Variants in TRERF1 observed in about 807,000 individuals in gnomAD.
TRERF1 encodes transcriptional-regulating factor 1.
A neutral mutation model predicts 122.9 loss-of-function variants in TRERF1; 27 were observed. The ratio of observed to expected loss-of-function variants is 0.22; its 90% CI spans 0.16 to 0.30. The LOEUF (loss-of-function observed/expected upper bound fraction) is 0.30. TRERF1 is among the 10% of genes least tolerant of loss of function. The pLI, the probability that TRERF1 is intolerant of heterozygous loss-of-function variation, is 1.00. For missense variants in TRERF1, 1,248 were observed against 1,560.3 expected (o/e 0.80, Z 3.37); for synonymous variants, 636 against 641.7 (o/e 0.99, Z 0.13).
intron 8 of TRERF1, among the ~76,000 whole-genome samples, chr6:42,262,578 A>G (rs981898249): frequency 2.0e-5 from 3 of 150,630 alleles, no homozygotes; most frequent in Non-Finnish European, 4.4e-5. Flanking sequence ...AGAGAGAGAG[A>G]GAGAGAGAGA....
intron 2 of TRERF1, among the ~76,000 whole-genome samples, chr6:42,407,704 T>A (rs753500705): frequency 6.6e-6 from 1 of 151,966 alleles, no homozygotes; most frequent in Non-Finnish European, 1.5e-5. Context: ...ACTACAGAAT[T>A]TCCCCCCTCC....
chr6:42,437,453 T>C (rs767344965), intron 2 of TRERF1, among the ~76,000 whole-genome samples: 14 of 152,142 alleles, frequency 9.2e-5, no homozygotes, highest in Non-Finnish European at 1.8e-4. Context: ...ACTTTTGCAT[T>C]TTTTTAAATC....
rs776799768 is a variant in TRERF1, at chr6:42,265,808, G to A, written c.1438-11C>T. 9 of 1,612,620 alleles carry A rather than the reference G, an allele frequency of 5.6e-6. No homozygotes were observed. In the East Asian group the frequency reaches 1.8e-4, roughly 32 times the overall value. ...ATCAGGTAGGTGCATCTAATTTTGA[G>A]CCAAACAGGACACCGAAAAAAAGAA... On this transcript the variant is annotated splice_polypyrimidine_tract_variant and intron_variant, in intron 5 of 17. Transcript: ENST00000372922.
intron 2 of TRERF1, among the ~76,000 whole-genome samples, chr6:42,424,583 TCTGTACTACCCAA>T (rs1266246038): frequency 6.6e-6 from 1 of 152,168 alleles, no homozygotes; most frequent in South Asian, 2.1e-4. Context: ...GGATCCTCAA[TCTGTACTACCCAA>T]CTGTTTTCCA....
At chr6:42,314,192 T>A (rs768454705) in intron 3 of TRERF1, among the ~76,000 whole-genome samples, 3 of 152,192 alleles carry the variant, frequency 2.0e-5, no homozygotes, top group Non-Finnish European at 4.4e-5. Flanking sequence ...ACCTCCACCA[T>A]GGCATGGTAA....
intron 3 of TRERF1, among the ~76,000 whole-genome samples, chr6:42,321,177 T>C (rs1039989207): frequency 1.3e-5 from 2 of 151,000 alleles, no homozygotes; most frequent in Non-Finnish European, 2.9e-5. Context: ...AGGCATTTTC[T>C]TCTCTGGAGA....
chr6:42,310,941 T>C (rs921803228), intron 3 of TRERF1, among the ~76,000 whole-genome samples: 2 of 152,188 alleles, frequency 1.3e-5, no homozygotes, highest in Non-Finnish European at 2.9e-5. Flanking sequence ...CTTTTTGGCG[T>C]TGATGTTTGG....
Position 42,269,518 on chromosome 6 carries a change from G to C in TRERF1, c.73C>G (p.Pro25Ala). 1 of 1,614,208 alleles carries C rather than the reference G, an allele frequency of 6.2e-7. No individual in the cohort carries two copies. ...TTCAGCCCGCTGTGGACGCCAAGTG[G>C]TGGCTGTTGGTAGAAAAGGTTCTCA... Residue 25 changes from proline (P) to alanine (A), a missense_variant, in exon 5 of 18, where the codon CCA becomes GCA. Pro to Ala is a conservative substitution (Grantham distance 27, BLOSUM62 -1). This residue lies in a region of TRERF1 where 946 missense variants were observed against 1,073.0 expected (regional missense o/e 0.88). Coordinates refer to ENST00000372922, the Ensembl canonical transcript of TRERF1. This position sits in a 1 kb window ranked among gnomAD's most constrained non-coding sequence, Gnocchi z 4.9.
chr6:42,277,974 A>AGAAGAAGAAGAAGAAG (rs1161319382), intron 4 of TRERF1, among the ~76,000 whole-genome samples: 3 of 147,002 alleles, frequency 2.0e-5, no homozygotes, highest in Non-Finnish European at 4.5e-5. Flanking sequence ...AAGAAGAAGA[A>AGAAGAAGAAGAAGAAG]GACTGCAATA....
intron 3 of TRERF1, among the ~76,000 whole-genome samples, chr6:42,305,995 C>CTTTTTTTTTTTT (rs55700516): frequency 1.3e-4 from 9 of 69,466 alleles, no homozygotes; most frequent in Admixed American, 2.4e-4. Flanking sequence ...AATATCTCTC[C>CTTTTTTTTTTTT]TTTTTTTTTT....
At chr6:42,349,456 G>T (rs543773125) in intron 3 of TRERF1, among the ~76,000 whole-genome samples, 14 of 151,984 alleles carry the variant, frequency 9.2e-5, no homozygotes, top group Admixed American at 9.2e-4. Context: ...GATAGGGAAT[G>T]AATGAAAATA....
intron 4 of TRERF1, among the ~76,000 whole-genome samples, chr6:42,278,533 A>G (rs1332227337): frequency 1.3e-5 from 2 of 152,220 alleles, no homozygotes; most frequent in Non-Finnish European, 1.5e-5. Context: ...CTTTCAGCCT[A>G]AAGGGAAAGG....
At chr6:42,356,425 T>G (rs1023366920) in intron 3 of TRERF1, among the ~76,000 whole-genome samples, 1 of 152,210 alleles carries the variant, frequency 6.6e-6, no homozygotes, top group African/African-American at 2.4e-5. Flanking sequence ...GATTCCTGTC[T>G]CTGAGTGCAC....
At chr6:42,307,335 C>T (rs1164260164) in intron 3 of TRERF1, among the ~76,000 whole-genome samples, 2 of 152,178 alleles carry the variant, frequency 1.3e-5, no homozygotes, top group Non-Finnish European at 2.9e-5. Context: ...TCAGGTTTAT[C>T]ACGTTCATCC....
rs182506171 is a variant in TRERF1 at position 42,236,517 on chromosome 6, G to A, written c.2860-106C>T. On this transcript the variant is annotated intron_variant, in intron 15 of 17. Transcript: ENST00000372922. ...GAGGAGAGAGGGGCAGGATGCTGGCGCTGTGTTCCTTTCTTTCTGCATAAG... is the reference window on the plus strand; with the variant it reads ...GAGGAGAGAGGGGCAGGATGCTGGCACTGTGTTCCTTTCTTTCTGCATAAG... The A allele has an allele frequency of 2.5e-5, 36 of 1,438,756 alleles. No individual in the cohort carries two copies. In the South Asian group the frequency reaches 3.0e-4, roughly 12 times the overall value. 89.1% of individuals were successfully genotyped at this position (1,438,756 alleles called of 1,614,324 possible). A position where few individuals can be genotyped will look rare whatever the true frequency, so the allele number is the denominator to read the frequency against.
intron 3 of TRERF1, among the ~76,000 whole-genome samples, chr6:42,332,330 C>G (rs931364269): frequency 6.6e-6 from 1 of 152,246 alleles, no homozygotes; most frequent in African/African-American, 2.4e-5. Flanking sequence ...GGGCCAAGCC[C>G]AAGAACGCGG....
intron 2 of TRERF1, among the ~76,000 whole-genome samples, chr6:42,368,666 G>GT (rs757049048): frequency 1.2e-4 from 19 of 152,264 alleles, no homozygotes; most frequent in Non-Finnish European, 2.4e-4. Context: ...CCAGGCAGTA[G>GT]TTTTTTCAAA....
At chr6:42,270,651 A>C (rs1582716291) in intron 4 of TRERF1, among the ~76,000 whole-genome samples, 2 of 152,252 alleles carry the variant, frequency 1.3e-5, no homozygotes, top group South Asian at 4.2e-4. Context: ...GGTAAAAATA[A>C]GAGAAGCAGG....
chr6:42,341,192 T>A (rs1189034493), intron 3 of TRERF1, among the ~76,000 whole-genome samples: 1 of 152,250 alleles, frequency 6.6e-6, no homozygotes, highest in East Asian at 1.9e-4. Context: ...TGTGTGATGT[T>A]AAGCATATTA....
Sources: gnomAD v4.1 joint callset for allele counts (sites outside exome capture counted in the v4.1 genomes callset) on GRCh38, gnomAD v4.1.1 for gene constraint, gnomAD v4.1.1 regional missense constraint, Gnocchi (gnomAD v3.1) non-coding constraint, MANE v1.5 for transcripts, NCBI Gene and HGNC (gene_info 2026-07-23, HGNC 2026-07-21) for gene names.